The following EPHA6 variants were observed in gnomAD, a reference collection of about 807,000 sequenced individuals.
EPHA6 encodes the protein ephrin type-A receptor 6.
A neutral mutation model predicts 112.0 loss-of-function variants in EPHA6; 50 were observed. The ratio of observed to expected loss-of-function variants is 0.45; its 90% CI spans 0.36 to 0.56. The LOEUF (loss-of-function observed/expected upper bound fraction) is 0.56, where lower values mean the gene tolerates loss of function less well. EPHA6 is among the 20% of genes least tolerant of loss of function. EPHA6 has a pLI of 0.00. For synonymous variants in EPHA6, 529 were observed against 490.7 expected (o/e 1.08, Z -1.03); for missense variants, 1,280 against 1,417.4 (o/e 0.90, Z 1.56).
intron 16 of EPHA6, among the ~76,000 whole-genome samples, chr3:97,740,897 T>G (rs2035476021): frequency 6.6e-6 from 1 of 152,142 alleles, no homozygotes; most frequent in African/African-American, 2.4e-5. Context: ...TTTTTTTTGA[T>G]TCTTGTTGCT....
At chr3:96,978,638 C>T (rs999425453) in intron 2 of EPHA6, among the ~76,000 whole-genome samples, 4 of 151,908 alleles carry the variant, frequency 2.6e-5, no homozygotes, top group Middle Eastern at 3.4e-3. Flanking sequence ...AAGTCTAATT[C>T]TAATTTATTT....
intron 10 of EPHA6, among the ~76,000 whole-genome samples, chr3:97,503,728 A>G (rs1422727455): frequency 2.0e-5 from 3 of 152,222 alleles, no homozygotes; most frequent in Admixed American, 1.3e-4. Flanking sequence ...GATGGCATTA[A>G]TGACTGTCCA....
intron 8 of EPHA6, 132 bp from the exon 9 acceptor site, chr3:97,479,162 C>A: frequency 1.9e-6 from 1 of 539,758 alleles, no homozygotes; most frequent in Non-Finnish European, 3.2e-6. Context: ...AATATTTTCA[C>A]GTTATAAAGA....
chr3:96,916,784 TG>T (rs2039503427), intron 2 of EPHA6, among the ~76,000 whole-genome samples: 1 of 152,100 alleles, frequency 6.6e-6, no homozygotes, highest in African/African-American at 2.4e-5. Flanking sequence ...CAGAACGGAG[TG>T]CCAATGAGTT....
intron 5 of EPHA6, among the ~76,000 whole-genome samples, chr3:97,320,514 T>C (rs561351415): frequency 4.6e-5 from 7 of 152,016 alleles, no homozygotes; most frequent in Middle Eastern, 3.4e-3. Flanking sequence ...GAATGAGGAA[T>C]ATGATAGCTG....
intron 3 of EPHA6, among the ~76,000 whole-genome samples, chr3:97,207,091 A>C (rs556891919): frequency 6.7e-6 from 1 of 148,466 alleles, no homozygotes; most frequent in South Asian, 2.1e-4. Context: ...CTAAATAGTC[A>C]GTTCTTGAAT....
intron 5 of EPHA6, among the ~76,000 whole-genome samples, chr3:97,396,025 C>G (rs568436159): frequency 1.3e-5 from 2 of 151,560 alleles, no homozygotes; most frequent in Non-Finnish European, 2.9e-5. Context: ...GAATCGATAG[C>G]CTTGTGGAGT....
intron 10 of EPHA6, among the ~76,000 whole-genome samples, chr3:97,493,228 G>A (rs572093047): frequency 6.8e-4 from 103 of 151,682 alleles, no homozygotes; most frequent in Admixed American, 7.9e-4. Flanking sequence ...GTATACATAC[G>A]TACATGTAAA....
In EPHA6 at chr3:97,333,997, G is replaced by A. The variant is rs116711880; in HGVS notation, c.1607-71153G>A. 9.0e-3 allele frequency among the ~76,000 whole-genome samples: 1,375 copies of A among 152,100 alleles called. 23 individuals carry two copies. The highest frequency in any genetic ancestry group is 0.032 in the African/African-American group (1,310 of 41,502). On this transcript the variant is annotated intron_variant, in intron 5 of 17. Coordinates refer to ENST00000389672, the MANE Select transcript of EPHA6 (RefSeq NM_001080448.3). ...TTTCTCTCCATTCCTAACTTGCTGA[G>A]TGCTTTTATCATAAGTGAGTGTTGG...
intron 11 of EPHA6, among the ~76,000 whole-genome samples, chr3:97,551,842 T>A (rs2093033494): frequency 6.6e-6 from 1 of 152,030 alleles, no homozygotes; most frequent in African/African-American, 2.4e-5. Flanking sequence ...AATACAAGTC[T>A]GGAAAGGAAA....
chr3:97,321,003 A>G (rs547136726), intron 5 of EPHA6, among the ~76,000 whole-genome samples: 1 of 151,952 alleles, frequency 6.6e-6, no homozygotes, highest in Non-Finnish European at 1.5e-5. Flanking sequence ...GACCTTACAT[A>G]GCTTCATCTG....
chr3:97,481,438 G>C (rs1410032092), intron 9 of EPHA6: 2 of 1,378,354 alleles, frequency 1.5e-6, no homozygotes, highest in African/African-American at 2.8e-5. Flanking sequence ...AATAATACAG[G>C]CTTTCCTTTG....
At chr3:97,692,537 G>A (rs921500109) in intron 14 of EPHA6, among the ~76,000 whole-genome samples, 1 of 152,092 alleles carries the variant, frequency 6.6e-6, no homozygotes, top group Non-Finnish European at 1.5e-5. Context: ...ACCCTTCAGC[G>A]CCGAATCCTC....
At chr3:96,966,598 T>G (rs186688410) in intron 2 of EPHA6, among the ~76,000 whole-genome samples, 2 of 152,226 alleles carry the variant, frequency 1.3e-5, no homozygotes, top group Admixed American at 1.3e-4. Context: ...GATTTGTGGA[T>G]TTTTTGTAGT....
rs1231682021 is a variant in EPHA6, at chr3:97,750,294, AGTG to A, written c.*1596_*1598del. Among the ~76,000 whole-genome samples the A allele has an allele frequency of 2.8e-5, 4 of 141,770 alleles. No individual in the cohort carries two copies. The highest frequency in any genetic ancestry group is 1.0e-4 in the African/African-American group (4 of 39,988). 93.0% of individuals were successfully genotyped at this position (141,770 alleles called of 152,430 possible). On this transcript the variant is annotated 3_prime_UTR_variant, in exon 18 of 18. Coordinates refer to ENST00000389672, the MANE Select transcript of EPHA6 (RefSeq NM_001080448.3). The stretch of plus-strand genomic sequence containing the variant: ...ATCTAAATTCATTTTTTGTCATAGT[AGTG>A]GTTTTTTTTTTTTAAATAAAGGACC...
At chr3:97,724,698 CATG>C (rs966798747) in intron 15 of EPHA6, among the ~76,000 whole-genome samples, 9 of 151,956 alleles carry the variant, frequency 5.9e-5, no homozygotes, top group African/African-American at 2.2e-4. Flanking sequence ...GACAGTGAGC[CATG>C]ATGATGTGTC....
In EPHA6 at chr3:97,756,940, T is replaced by A; in HGVS notation, c.*8239T>A. On this transcript the variant is annotated 3_prime_UTR_variant, in exon 18 of 18. Transcript: ENST00000389672. ...TATTTTACATAATCATACTTATTTT[T>A]AATTTTGTGTACAGTGAAAACTTTG... Among the ~76,000 whole-genome samples the A allele has an allele frequency of 6.6e-6, 1 of 151,922 alleles. No individual in the cohort carries two copies.
At chr3:97,246,526 G>A (rs1427103086) in intron 5 of EPHA6, among the ~76,000 whole-genome samples, 2 of 151,544 alleles carry the variant, frequency 1.3e-5, no homozygotes, top group African/African-American at 4.8e-5. Flanking sequence ...ACATATATTG[G>A]AACTATATAT....
intron 14 of EPHA6, among the ~76,000 whole-genome samples, chr3:97,697,149 C>A (rs978010229): frequency 1.3e-5 from 2 of 152,156 alleles, no homozygotes; most frequent in African/African-American, 2.4e-5. Context: ...TGAGGGGCGC[C>A]ACAACACTCA....
Sources: gnomAD v4.1 joint callset for allele counts (sites outside exome capture counted in the v4.1 genomes callset) on GRCh38, gnomAD v4.1.1 for gene constraint, MANE v1.5 for transcripts, NCBI Gene and HGNC (gene_info 2026-07-23, HGNC 2026-07-21) for gene names.